CEP128: variants seen among roughly 807,000 people sequenced by gnomAD.
CEP128 encodes the protein centrosomal protein 128kDa.
A neutral mutation model predicts 156.7 loss-of-function variants in CEP128; 132 were observed. The observed-to-expected ratio is 0.84, with a 90% confidence interval of 0.73 to 0.97. The LOEUF (loss-of-function observed/expected upper bound fraction) is 0.97. Ranked by LOEUF, CEP128 falls within the 50% of genes least tolerant of loss-of-function variation. CEP128 has a pLI of 0.00. For synonymous variants in CEP128, 469 were observed against 448.9 expected, an observed-to-expected ratio of 1.04 and a Z score of -0.57; for missense variants, 1,252 against 1,281.9, an observed-to-expected ratio of 0.98 and a Z score of 0.36.
intron 21 of CEP128, among the ~76,000 whole-genome samples, chr14:80,555,112 A>AATG (rs1890375600): frequency 6.6e-6 from 1 of 152,150 alleles, no homozygotes; most frequent in Admixed American, 6.5e-5. Flanking sequence ...AGAACGTCAG[A>AATG]ATGACTCCTC....
At chr14:80,938,047 C>A (rs1227725571) in intron 2 of CEP128, among the ~76,000 whole-genome samples, 1 of 151,980 alleles carries the variant, frequency 6.6e-6, no homozygotes, top group Admixed American at 6.6e-5. Flanking sequence ...AAGGCACATG[C>A]CACCATGCCT....
chr14:80,655,007 C>T (rs1396297435), intron 19 of CEP128, among the ~76,000 whole-genome samples: 2 of 152,092 alleles, frequency 1.3e-5, no homozygotes, highest in Non-Finnish European at 2.9e-5. Context: ...TCACCGTTTA[C>T]ATGTCTCTTT....
At position 80,497,513 on chromosome 14, in the gene CEP128, C is replaced by T; in HGVS notation, c.3251G>A (p.Ser1084Asn). The change falls in exon 25 of 25, where the codon AGT becomes AAT. Residue 1084 changes from serine (S) to asparagine (N), a missense_variant. Physicochemically the swap from Ser to Asn is conservative, Grantham distance 46 (BLOSUM62 1). Transcript: ENST00000555265. ...NKEDATMNGTSSQPKKEEYGS is the reference protein window; with the variant it reads ...NKEDATMNGTNSQPKKEEYGS ...ATATTCCTCTTTTTTGGGTTGTGAA[C>T]TTGTTCCATTCATTGTGGCATCTTC... 6.2e-7 allele frequency: 1 copy of T among 1,613,166 alleles called. No homozygotes were observed. Among genetic ancestry groups the T allele is most frequent in the East Asian group, 2.2e-5 (1 of 44,800 alleles).
chr14:80,683,905 C>CA (rs1307061442), intron 19 of CEP128, among the ~76,000 whole-genome samples: 2 of 151,904 alleles, frequency 1.3e-5, no homozygotes, highest in Admixed American at 1.3e-4. Context: ...TAAATAAAAA[C>CA]AGAGACACAA....
rs1282431851 is a variant in CEP128, at chr14:80,497,429, G to A, written c.*50C>T. The A allele has an allele frequency of 3.2e-6, 4 of 1,230,810 alleles. No homozygotes were observed. The highest frequency in any genetic ancestry group is 1.5e-5 in the African/African-American group (1 of 67,000). 76.2% of individuals were successfully genotyped at this position (1,230,810 alleles called of 1,614,324 possible). ...GCCAAATTGCTGTAAGAATAGAGAT[G>A]TTATTATTTGTAACATACTCATGTA... On this transcript the variant is annotated 3_prime_UTR_variant, in exon 25 of 25. Coordinates refer to ENST00000555265, the MANE Select transcript of CEP128 (RefSeq NM_152446.5).
intron 19 of CEP128, among the ~76,000 whole-genome samples, chr14:80,649,699 C>T (rs1230102656): frequency 6.6e-6 from 1 of 152,026 alleles, no homozygotes; most frequent in African/African-American, 2.4e-5. Context: ...AGTTGGAAAC[C>T]ACTGGAATTG....
At chr14:80,645,307 T>G (rs10151794) in intron 19 of CEP128, among the ~76,000 whole-genome samples, 14,058 of 152,168 alleles carry the variant, frequency 0.092, 2,065 homozygotes, top group African/African-American at 0.31. Flanking sequence ...CTGTTTATAT[T>G]TGATGGAAAT....
At chr14:80,705,901 G>A (rs1897226077) in intron 19 of CEP128, among the ~76,000 whole-genome samples, 1 of 152,228 alleles carries the variant, frequency 6.6e-6, no homozygotes, top group South Asian at 2.1e-4. Context: ...CAAATTTATA[G>A]TAATAAAATG....
At chr14:80,896,034 A>G (rs1889336655) in intron 7 of CEP128, among the ~76,000 whole-genome samples, 1 of 152,182 alleles carries the variant, frequency 6.6e-6, no homozygotes, top group African/African-American at 2.4e-5. Flanking sequence ...AAAATTCCTA[A>G]GTGATGCAGA....
intron 19 of CEP128, among the ~76,000 whole-genome samples, chr14:80,726,193 A>C (rs983172251): frequency 3.3e-5 from 5 of 152,216 alleles, no homozygotes; most frequent in African/African-American, 9.6e-5. Flanking sequence ...TCAGGAGCTT[A>C]TAACCTTGTA....
intron 19 of CEP128, among the ~76,000 whole-genome samples, chr14:80,655,896 T>C (rs1895111572): frequency 6.6e-6 from 1 of 152,114 alleles, no homozygotes; most frequent in Non-Finnish European, 1.5e-5. Flanking sequence ...TTTTTGTTTG[T>C]TTTGTTTTGT....
chr14:80,638,191 C>G (rs1894265619), intron 19 of CEP128, among the ~76,000 whole-genome samples: 1 of 152,082 alleles, frequency 6.6e-6, no homozygotes, highest in Non-Finnish European at 1.5e-5. Flanking sequence ...TAAATGTTTA[C>G]TAAATAAAGA....
At chr14:80,690,078 CTT>C (rs1566858956) in intron 19 of CEP128, among the ~76,000 whole-genome samples, 1 of 151,922 alleles carries the variant, frequency 6.6e-6, no homozygotes, top group East Asian at 1.9e-4. Context: ...GGAATGTGGT[CTT>C]GTTACTAAGT....
intron 19 of CEP128, among the ~76,000 whole-genome samples, chr14:80,610,975 T>C (rs1892972535): frequency 6.6e-6 from 1 of 151,902 alleles, no homozygotes; most frequent in Non-Finnish European, 1.5e-5. Flanking sequence ...TAGAAAAAAA[T>C]GCATTCTTAT....
At chr14:80,819,820 T>A (rs961315224) in intron 13 of CEP128, among the ~76,000 whole-genome samples, 2 of 152,158 alleles carry the variant, frequency 1.3e-5, no homozygotes, top group Non-Finnish European at 2.9e-5. Flanking sequence ...TGTGTACTCC[T>A]AGAACCTAGC....
chr14:80,741,798 G>T (rs1898845092), intron 19 of CEP128, among the ~76,000 whole-genome samples: 1 of 151,948 alleles, frequency 6.6e-6, no homozygotes, highest in Non-Finnish European at 1.5e-5. Flanking sequence ...TGATGTGTCA[G>T]AAATATCTAA....
At chr14:80,498,328 T>A (rs1487387039) in intron 24 of CEP128, among the ~76,000 whole-genome samples, 2 of 152,240 alleles carry the variant, frequency 1.3e-5, no homozygotes, top group East Asian at 3.9e-4. Context: ...TCTTGCTCCC[T>A]TACGATCCTT....
chr14:80,876,492 G>A (rs973389957), intron 8 of CEP128, among the ~76,000 whole-genome samples: 2 of 151,916 alleles, frequency 1.3e-5, no homozygotes, highest in African/African-American at 4.8e-5. Flanking sequence ...AGCTACTTGG[G>A]AGGCTGAGGC....
At chr14:80,719,030 G>A (rs1319553437) in intron 19 of CEP128, among the ~76,000 whole-genome samples, 1 of 152,148 alleles carries the variant, frequency 6.6e-6, no homozygotes, top group East Asian at 1.9e-4. Flanking sequence ...TTGGTAAAGT[G>A]AGGCCATCAG....
Sources: gnomAD v4.1 joint callset for allele counts (sites outside exome capture counted in the v4.1 genomes callset) on GRCh38, gnomAD v4.1.1 for gene constraint, MANE v1.5 for transcripts, NCBI Gene and HGNC (gene_info 2026-07-23, HGNC 2026-07-21) for gene names.